NREP: variants seen among roughly 807,000 people sequenced by gnomAD.
NREP encodes neuronal regeneration related protein, also known as neuronal regeneration-related protein.
Under a neutral mutation model 8.6 loss-of-function variants are expected in NREP, and 5 were observed. The observed-to-expected ratio is 0.58, with a 90% CI of 0.30 to 1.22. The LOEUF (loss-of-function observed/expected upper bound fraction) is 1.22. Among genes scored for constraint, NREP ranks in the 50% most tolerant of loss-of-function variants. The pLI, the probability that NREP is intolerant of heterozygous loss-of-function variation, is 0.07. For synonymous variants in NREP, 27 were observed against 28.0 expected (o/e 0.96, Z 0.11); for missense variants, 86 against 82.5 (o/e 1.04, Z -0.17).
At chr5:111,905,277 T>C (rs374000074) in intron 2 of NREP, among the ~76,000 whole-genome samples, 1 of 152,108 alleles carries the variant, frequency 6.6e-6, no homozygotes, top group African/African-American at 2.4e-5. Flanking sequence ...GTGTTTAACA[T>C]TGTAAGAAAC....
At chr5:111,968,531 G>A (rs1440155562) in intron 2 of NREP, among the ~76,000 whole-genome samples, 2 of 152,156 alleles carry the variant, frequency 1.3e-5, no homozygotes, top group African/African-American at 4.8e-5. Context: ...GGAGGCAGTT[G>A]CAAAGGGAAG....
At chr5:111,973,522 C>A (rs531875400) in intron 2 of NREP, among the ~76,000 whole-genome samples, 2 of 152,262 alleles carry the variant, frequency 1.3e-5, no homozygotes, top group South Asian at 4.1e-4. Flanking sequence ...TTGCATCCTG[C>A]GAAAATATTT....
chr5:111,816,877 A>T (rs1300587851), intron 2 of NREP, among the ~76,000 whole-genome samples: 1 of 151,948 alleles, frequency 6.6e-6, no homozygotes, highest in Non-Finnish European at 1.5e-5. Flanking sequence ...CAAAAATTTG[A>T]AAGTAAAAGG....
chr5:111,744,630 A>AAGTCT (rs1462317043), intron 2 of NREP, among the ~76,000 whole-genome samples: 1 of 152,092 alleles, frequency 6.6e-6, no homozygotes, highest in African/African-American at 2.4e-5. Flanking sequence ...CTGATTAAGT[A>AAGTCT]GAGGGCTTCT....
At chr5:111,928,250 A>G (rs1011997087) in intron 2 of NREP, among the ~76,000 whole-genome samples, 1 of 152,208 alleles carries the variant, frequency 6.6e-6, no homozygotes, top group Non-Finnish European at 1.5e-5. Context: ...TCATAAATTT[A>G]AATAGTTGAA....
chr5:111,931,987 A>G (rs893308190), intron 2 of NREP, among the ~76,000 whole-genome samples: 1 of 152,076 alleles, frequency 6.6e-6, no homozygotes, highest in Non-Finnish European at 1.5e-5. Context: ...TCCTTAGAAT[A>G]GTGTTTCCCA....
upstream of NREP, chr5:111,758,044 G>A: frequency 1.0e-6 from 1 of 985,526 alleles, no homozygotes; most frequent in Non-Finnish European, 1.2e-6. Context: ...GGTGCCTGCG[G>A]CGGCGCGGAG....
chr5:111,757,750 G>A, upstream of NREP: 8 of 982,976 alleles, frequency 8.1e-6, no homozygotes, highest in Non-Finnish European at 9.7e-6. Flanking sequence ...CACGGCGCGC[G>A]CAAATCCCCG....
intron 2 of NREP, among the ~76,000 whole-genome samples, chr5:111,960,346 A>C (rs752251285): frequency 4.3e-4 from 66 of 152,278 alleles, no homozygotes; most frequent in Middle Eastern, 6.8e-3. Context: ...AATGGCATTA[A>C]TCACTCACTC....
upstream of NREP, among the ~76,000 whole-genome samples, chr5:111,758,612 T>C (rs1470061549): frequency 1.3e-5 from 2 of 152,180 alleles, no homozygotes; most frequent in South Asian, 2.1e-4. Context: ...TAAAGGATCA[T>C]AGTGTCTTCT....
chr5:111,861,831 C>A (rs1753550275), intron 2 of NREP, among the ~76,000 whole-genome samples: 1 of 152,002 alleles, frequency 6.6e-6, no homozygotes. Flanking sequence ...CTTTTAATAA[C>A]AATGGAAAGC....
intron 2 of NREP, among the ~76,000 whole-genome samples, chr5:111,929,437 T>C (rs1755478168): frequency 6.6e-6 from 1 of 152,220 alleles, no homozygotes; most frequent in Non-Finnish European, 1.5e-5. Context: ...TTGGAGCCAA[T>C]ACCAGCAAAC....
intron 2 of NREP, among the ~76,000 whole-genome samples, chr5:111,867,370 T>G (rs1753691334): frequency 6.6e-6 from 1 of 152,056 alleles, no homozygotes; most frequent in South Asian, 2.1e-4. Context: ...TCACATGGGT[T>G]TTTCTTCATG....
intron 2 of NREP, among the ~76,000 whole-genome samples, chr5:111,880,996 C>G (rs1033020225): frequency 1.3e-5 from 2 of 152,168 alleles, no homozygotes; most frequent in Admixed American, 1.3e-4. Context: ...GTGCAGCGCA[C>G]CGTGCATGAG....
chr5:111,764,271 G>A (rs1264846138), intron 2 of NREP, among the ~76,000 whole-genome samples: 1 of 152,138 alleles, frequency 6.6e-6, no homozygotes, highest in South Asian at 2.1e-4. Flanking sequence ...ATGGAAGGAG[G>A]GGGTTGGCCC....
upstream of NREP, among the ~76,000 whole-genome samples, chr5:111,761,146 T>C (rs1581097893): frequency 6.6e-6 from 1 of 152,322 alleles, no homozygotes; most frequent in East Asian, 1.9e-4. Flanking sequence ...AATTGTTGTA[T>C]TATGTGAGAC....
intron 2 of NREP, among the ~76,000 whole-genome samples, chr5:111,784,237 A>G (rs916692181): frequency 1.3e-5 from 2 of 152,148 alleles, no homozygotes; most frequent in Non-Finnish European, 2.9e-5. Context: ...TTTTAAGGCT[A>G]GGCCCATAGG....
chr5:111,822,757 T>C (rs886925537), intron 2 of NREP, among the ~76,000 whole-genome samples: 135 of 151,858 alleles, frequency 8.9e-4, no homozygotes, highest in Non-Finnish European at 1.6e-3. Flanking sequence ...TAACAGAAAA[T>C]AATTGAAAAC....
intron 2 of NREP, among the ~76,000 whole-genome samples, chr5:111,899,272 T>G (rs1397847698): frequency 6.6e-6 from 1 of 152,058 alleles, no homozygotes; most frequent in Non-Finnish European, 1.5e-5. Flanking sequence ...ACAAAGGATA[T>G]ACAGAACAAT....
Sources: allele counts gnomAD v4.1 joint callset (sites outside exome capture counted in the v4.1 genomes callset), GRCh38; gene constraint gnomAD v4.1.1; transcripts MANE v1.5; gene names NCBI Gene and HGNC (gene_info 2026-07-23, HGNC 2026-07-21).